Variants in DHX33 observed in about 807,000 individuals in gnomAD.
DHX33 encodes ATP-dependent RNA helicase DHX33.
In DHX33, 42 loss-of-function variants were observed where a neutral mutation model predicts 72.5. That is an observed-to-expected ratio of 0.58 (90% confidence interval 0.45 to 0.75). The LOEUF is 0.75. DHX33 is among the 30% of genes least tolerant of loss of function. DHX33 has a pLI of 0.00. For synonymous variants in DHX33, 358 were observed against 366.1 expected (o/e 0.98, Z 0.25); for missense variants, 842 against 917.5 (o/e 0.92, Z 1.06).
chr17:5,452,865 C>T (rs1277817803), intron 8 of DHX33, among the ~76,000 whole-genome samples: 1 of 152,182 alleles, frequency 6.6e-6, no homozygotes, highest in Admixed American at 6.5e-5. Flanking sequence ...CAGGGCAGGA[C>T]CCTTGTATAC....
intron 5 of DHX33, 128 bp from the exon 6 acceptor site, chr17:5,455,399 G>A: frequency 2.6e-6 from 2 of 757,402 alleles, no homozygotes; most frequent in Non-Finnish European, 4.5e-6. Context: ...ATTATTAATG[G>A]CAGTCATTAA....
intron 4 of DHX33, among the ~76,000 whole-genome samples, chr17:5,457,304 TC>T (rs1567601291): frequency 6.6e-6 from 1 of 151,378 alleles, no homozygotes; most frequent in Non-Finnish European, 1.5e-5. Flanking sequence ...CAAGACTCCA[TC>T]TCAAAAAATA....
At chr17:5,468,331 C>T (rs1193964579) in intron 1 of DHX33, among the ~76,000 whole-genome samples, 1 of 152,216 alleles carries the variant, frequency 6.6e-6, no homozygotes, top group African/African-American at 2.4e-5. Context: ...TTTCTCTACC[C>T]TTTTACGCGG....
Position 5,457,922 on chromosome 17 carries a change from C to T in DHX33, c.850-1740G>A, listed in dbSNP as rs115759630. Reference sequence around the variant, plus strand: ...TCTTCCCCAAACACTATGAAAACGACAGTAAAGGCCACTGTCTTAGAAAGA... The same window carrying T: ...TCTTCCCCAAACACTATGAAAACGATAGTAAAGGCCACTGTCTTAGAAAGA... On this transcript the variant is annotated intron_variant, in intron 4 of 11. Coordinates refer to ENST00000225296, the MANE Select transcript of DHX33 (RefSeq NM_020162.4). Among the ~76,000 whole-genome samples the T allele has an allele frequency of 7.5e-3, 1,148 of 152,088 alleles. 16 individuals are homozygous for T. The highest frequency in any genetic ancestry group is 0.026 in the African/African-American group (1,068 of 41,490).
chr17:5,450,200 C>T lies in DHX33; in HGVS notation c.1728+3G>A, dbSNP rs200152597. ...TGGAGAACAGGTGCAAGACAAGGCT[C>T]ACCTTATTTCCGCCTAGGTTTTTGA... is the stretch of plus-strand genomic sequence containing the variant. On this transcript the variant is annotated splice_donor_region_variant and intron_variant, in intron 10 of 11. Coordinates refer to ENST00000225296, the MANE Select transcript of DHX33 (RefSeq NM_020162.4). 7.5e-4 allele frequency: 1,203 copies of T among 1,614,156 alleles called. 3 individuals carry two copies. The highest frequency in any genetic ancestry group is 6.1e-4 in the Non-Finnish European group (725 of 1,180,038).
intron 4 of DHX33, among the ~76,000 whole-genome samples, chr17:5,459,331 T>C (rs1442491377): frequency 6.6e-6 from 1 of 152,202 alleles, no homozygotes; most frequent in East Asian, 1.9e-4. Flanking sequence ...ATTCAAATTT[T>C]TGAAGTAAAT....
rs1904736154 is a variant in DHX33 at position 5,463,554 on chromosome 17, T to G, written c.425A>C (p.Glu142Ala). The change falls in exon 2 of 12, where the codon GAG (glutamate) becomes GCG (alanine). Residue 142 changes from glutamate to alanine, a missense_variant. Physicochemically the swap from Glu to Ala is moderately radical, Grantham distance 107. Coordinates refer to ENST00000225296, the MANE Select transcript of DHX33 (RefSeq NM_020162.4). ...AISLATRVSD[E>A]KRTELGKLVG... ...CAGCTTCCCAAGTTCAGTTCTCTTC[T>G]CATCTGAGACTCTAGTAGCAAGAGA... 1 of 1,613,980 alleles carries G rather than the reference T, an allele frequency of 6.2e-7. No individual in the cohort carries two copies. Among genetic ancestry groups the G allele is most frequent in the African/African-American group, 1.3e-5 (1 of 74,910 alleles).
At position 5,450,397 on chromosome 17, in the gene DHX33, T is replaced by C. The variant is rs377122221; in HGVS notation, c.1534A>G (p.Met512Val). 3.1e-6 allele frequency: 5 copies of C among 1,613,932 alleles called. No homozygotes were observed. Among genetic ancestry groups the C allele is most frequent in the Non-Finnish European group, 3.4e-6 (4 of 1,179,840 alleles). ...TCTGTACAGTGGAATTTGGGGGACATGAGGATGGTCTGCAAAGCAAAATTT... is the reference window on the plus strand; with the variant it reads ...TCTGTACAGTGGAATTTGGGGGACACGAGGATGGTCTGCAAAGCAAAATTT... ...LEPKFAKTIL[M>V]SPKFHCTEEI... Residue 512 changes from methionine (M) to valine (V), a missense_variant, in exon 10 of 12, where the codon ATG (methionine) becomes GTG (valine). Coordinates refer to ENST00000225296, the MANE Select transcript of DHX33 (RefSeq NM_020162.4).
Position 5,454,642 on chromosome 17 carries a change from T to A in DHX33, c.1147+518A>T, listed in dbSNP as rs370865532. On this transcript the variant is annotated intron_variant, in intron 6 of 11. Transcript: ENST00000225296. Reference sequence around the variant, plus strand: ...AGTTCAATAATTGGGAGCAATAATTTCAGTGGTCTCAAATCCTCTGTGGAA... The same window carrying A: ...AGTTCAATAATTGGGAGCAATAATTACAGTGGTCTCAAATCCTCTGTGGAA... Among the ~76,000 whole-genome samples, 11 of 152,320 alleles carry A rather than the reference T, an allele frequency of 7.2e-5. 1 individual carries two copies. The South Asian group carries it at 2.3e-3, about 32-fold the overall frequency.
chr17:5,449,782 A>G lies in DHX33; in HGVS notation c.1728+421T>C, dbSNP rs991677981. 2.0e-5 allele frequency among the ~76,000 whole-genome samples: 3 copies of G among 152,186 alleles called. No individual in the cohort carries two copies. The South Asian group carries it at 6.2e-4, about 32-fold the overall frequency. On this transcript the variant is annotated intron_variant, in intron 10 of 11. Transcript: ENST00000225296. ...CACGAAGCTTCGTTTCCATGACTACATGTTTCATGAATATAAAAAATAATA... is the reference window on the plus strand; with the variant it reads ...CACGAAGCTTCGTTTCCATGACTACGTGTTTCATGAATATAAAAAATAATA...
intron 1 of DHX33, 70 bp downstream of exon 1, chr17:5,468,501 T>C (rs939998592): frequency 4.1e-5 from 62 of 1,526,892 alleles, no homozygotes; most frequent in African/African-American, 5.5e-5. Flanking sequence ...TTGAGAGGCA[T>C]GTAAGAAAAA....
chr17:5,448,205 CAAGA>C (rs764797349), intron 11 of DHX33, among the ~76,000 whole-genome samples: 1 of 151,968 alleles, frequency 6.6e-6, no homozygotes, highest in East Asian at 1.9e-4. Context: ...AAATAATAAA[CAAGA>C]AAGAAAGAAA....
At chr17:5,461,496 G>A (rs979563260) in intron 3 of DHX33, 21 of 152,442 alleles carry the variant, frequency 1.4e-4, no homozygotes, top group African/African-American at 5.1e-4. Context: ...GTGGGCGCCT[G>A]TAGTCCCAGC....
At chr17:5,450,488 G>T in intron 9 of DHX33, 82 bp from the exon 10 acceptor site, 1 of 1,465,398 alleles carries the variant, frequency 6.8e-7, no homozygotes, top group Non-Finnish European at 9.4e-7. Flanking sequence ...TGCTTTTGCA[G>T]TTTCCCTTCT....
At position 5,463,143 on chromosome 17, in the gene DHX33, T is replaced by C. The variant is rs150718339; in HGVS notation, c.450+386A>G. ...AAAAGACGTCTAAGGTATTTTTAAG[T>C]GAAATGAGTACACACACACACAAAT... On this transcript the variant is annotated intron_variant, in intron 2 of 11. Transcript: ENST00000225296. Among the ~76,000 whole-genome samples the C allele has an allele frequency of 7.1e-3, 1,082 of 152,208 alleles. 8 individuals carry two copies. Among genetic ancestry groups the C allele is most frequent in the African/African-American group, 0.017 (711 of 41,536 alleles).
intron 8 of DHX33, among the ~76,000 whole-genome samples, chr17:5,452,974 G>A (rs769067087): frequency 6.6e-6 from 1 of 152,148 alleles, no homozygotes; most frequent in Non-Finnish European, 1.5e-5. Context: ...AAAATGGTGC[G>A]TTGATGAGAG....
At chr17:5,448,467 A>G (rs1916749782) in intron 11 of DHX33, among the ~76,000 whole-genome samples, 1 of 152,190 alleles carries the variant, frequency 6.6e-6, no homozygotes, top group South Asian at 2.1e-4. Context: ...CAAATACTAT[A>G]CACAACTTTG....
Position 5,450,825 on chromosome 17 carries a change from T to C in DHX33, c.1506A>G (p.Leu502=), listed in dbSNP as rs1392047010. The C allele has an allele frequency of 6.2e-7, 1 of 1,614,204 alleles. No individual in the cohort carries two copies. Reference sequence around the variant, plus strand: ...CATTTACTTTGGCAAATTTGGGTTCTAAAGGAAATGCTGCCATCTTTCTTC... The same window carrying C: ...CATTTACTTTGGCAAATTTGGGTTCCAAAGGAAATGCTGCCATCTTTCTTC... The part of the protein sequence containing the change: ...PMGRKMAAFP[L]EPKFAKTILM... Residue 502 remains leucine (L), a synonymous_variant, in exon 9 of 12, where the codon TTA becomes TTG. Coordinates refer to ENST00000225296, the MANE Select transcript of DHX33 (RefSeq NM_020162.4).
chr17:5,460,066 GT>G (rs1181789807), intron 4 of DHX33, among the ~76,000 whole-genome samples: 13 of 149,236 alleles, frequency 8.7e-5, no homozygotes. Flanking sequence ...CCAGGCTGGA[GT>G]GCAGTGGCGC....
Sources: gnomAD v4.1 joint callset for allele counts (sites outside exome capture counted in the v4.1 genomes callset) on GRCh38, gnomAD v4.1.1 for gene constraint, MANE v1.5 for transcripts, NCBI Gene and HGNC (gene_info 2026-07-23, HGNC 2026-07-21) for gene names.